Variants in AGBL1 observed in about 807,000 individuals in gnomAD.
The protein encoded by AGBL1 is cytosolic carboxypeptidase 4.
Under a neutral mutation model 118.9 loss-of-function variants are expected in AGBL1, and 130 were observed. The ratio of observed to expected loss-of-function variants is 1.09; its 90% CI spans 0.95 to 1.26. The LOEUF is 1.26. AGBL1 is among the 50% of genes most tolerant of loss of function. The pLI is 0.00. For synonymous variants in AGBL1, 555 were observed against 478.9 expected (o/e 1.16, Z -2.08); for missense variants, 1,584 against 1,298.1 (o/e 1.22, Z -3.38).
intron 24 of AGBL1, among the ~76,000 whole-genome samples, chr15:87,023,290 A>G (rs868304770): frequency 6.6e-6 from 1 of 152,106 alleles, no homozygotes; most frequent in African/African-American, 2.4e-5. Context: ...GAAAAAAGAG[A>G]CATCATGCAA....
At chr15:86,897,783 T>G (rs1399949729) in intron 22 of AGBL1, among the ~76,000 whole-genome samples, 4 of 146,548 alleles carry the variant, frequency 2.7e-5, no homozygotes, top group South Asian at 4.4e-4. Flanking sequence ...TTTTTTTTTT[T>G]TTTTGAGACA....
intron 21 of AGBL1, among the ~76,000 whole-genome samples, chr15:86,660,633 A>T (rs1007441218): frequency 2.6e-5 from 4 of 152,006 alleles, no homozygotes; most frequent in Non-Finnish European, 5.9e-5. Flanking sequence ...TTACTTATAG[A>T]CTCAGTATGA....
chr15:86,532,578 A>G (rs1202389043), intron 19 of AGBL1, among the ~76,000 whole-genome samples: 3 of 141,036 alleles, frequency 2.1e-5, no homozygotes, highest in Non-Finnish European at 3.1e-5. Context: ...TCAAGCTACC[A>G]ATGACTTTCT....
chr15:86,369,222 G>T (rs1266772143), intron 17 of AGBL1, among the ~76,000 whole-genome samples: 5 of 152,114 alleles, frequency 3.3e-5, no homozygotes, highest in Non-Finnish European at 5.9e-5. Flanking sequence ...GAAAGGACTG[G>T]CTACAAAAAC....
At chr15:86,136,622 A>G (rs768389502) in intron 1 of AGBL1, among the ~76,000 whole-genome samples, 21 of 152,228 alleles carry the variant, frequency 1.4e-4, no homozygotes. Context: ...GCATGAGCCC[A>G]GACTTGAGAG....
At chr15:86,847,253 A>G (rs2079332957) in intron 22 of AGBL1, among the ~76,000 whole-genome samples, 1 of 152,206 alleles carries the variant, frequency 6.6e-6, no homozygotes, top group Non-Finnish European at 1.5e-5. Context: ...CTATAGGCCC[A>G]CTCAAAGACA....
At chr15:86,433,764 A>G (rs113829987) in intron 18 of AGBL1, among the ~76,000 whole-genome samples, 7 of 152,298 alleles carry the variant, frequency 4.6e-5, no homozygotes, top group African/African-American at 1.7e-4. Flanking sequence ...TAATGTATCC[A>G]CTAATACAAT....
chr15:86,290,978 A>C (rs1417594681), intron 16 of AGBL1, among the ~76,000 whole-genome samples: 3 of 152,088 alleles, frequency 2.0e-5, no homozygotes, highest in Non-Finnish European at 2.9e-5. Flanking sequence ...ACTGAGAATG[A>C]TGATTTCCAA....
intron 21 of AGBL1, among the ~76,000 whole-genome samples, chr15:86,603,306 T>G (rs1436790474): frequency 6.6e-6 from 1 of 152,184 alleles, no homozygotes; most frequent in Non-Finnish European, 1.5e-5. Flanking sequence ...ATCTGATGCA[T>G]GTTTTAACAT....
chr15:86,712,700 G>A (rs1184996717), intron 22 of AGBL1, among the ~76,000 whole-genome samples: 2 of 152,120 alleles, frequency 1.3e-5, no homozygotes, highest in Admixed American at 6.6e-5. Flanking sequence ...CCTGGGATAC[G>A]GGCCTTTTGT....
At chr15:86,796,280 G>T (rs561078758) in intron 22 of AGBL1, among the ~76,000 whole-genome samples, 3 of 152,294 alleles carry the variant, frequency 2.0e-5, no homozygotes, top group African/African-American at 7.2e-5. Context: ...TGTCAGAAAA[G>T]TAAGCATTAT....
intron 17 of AGBL1, among the ~76,000 whole-genome samples, chr15:86,386,848 C>T (rs1596050559): frequency 6.6e-6 from 1 of 152,216 alleles, no homozygotes; most frequent in Middle Eastern, 3.4e-3. Context: ...ATTATAGTGC[C>T]TGTTGCATCA....
chr15:86,193,991 A>G (rs2077761624), intron 5 of AGBL1, among the ~76,000 whole-genome samples: 1 of 152,218 alleles, frequency 6.6e-6, no homozygotes, highest in Non-Finnish European at 1.5e-5. Context: ...GCCAGGCATG[A>G]GGCAGAATCT....
intron 23 of AGBL1, among the ~76,000 whole-genome samples, chr15:86,959,927 G>GT (rs2080974272): frequency 6.6e-6 from 1 of 151,992 alleles, no homozygotes; most frequent in Non-Finnish European, 1.5e-5. Flanking sequence ...CTGTTCATTT[G>GT]TCTTGTTCAG....
intron 19 of AGBL1, among the ~76,000 whole-genome samples, chr15:86,539,986 G>A (rs1266128574): frequency 6.6e-6 from 1 of 152,172 alleles, no homozygotes; most frequent in East Asian, 1.9e-4. Context: ...TTAAAACATT[G>A]TCTCTGGGTT....
chr15:86,234,623 C>T (rs1390286754), intron 6 of AGBL1, among the ~76,000 whole-genome samples: 5 of 150,844 alleles, frequency 3.3e-5, no homozygotes, highest in Admixed American at 3.3e-4. Flanking sequence ...ACTGTGCAGG[C>T]TCTGGAAAGA....
At chr15:86,275,847 G>C (rs942868084) in intron 15 of AGBL1, among the ~76,000 whole-genome samples, 8 of 152,176 alleles carry the variant, frequency 5.3e-5, no homozygotes, top group African/African-American at 1.9e-4. Context: ...AGGAGAGGAA[G>C]TTCTTTGACT....
At chr15:86,765,495 C>A (rs1298984894) in intron 22 of AGBL1, among the ~76,000 whole-genome samples, 4 of 151,892 alleles carry the variant, frequency 2.6e-5, no homozygotes, top group Non-Finnish European at 5.9e-5. Flanking sequence ...TCAGAAGACA[C>A]ATCGTGGAGA....
intron 22 of AGBL1, among the ~76,000 whole-genome samples, chr15:86,780,613 A>G (rs547432515): frequency 1.3e-5 from 2 of 151,158 alleles, no homozygotes; most frequent in East Asian, 1.9e-4. Context: ...TTTTTATTCT[A>G]TGGCTATAAA....
Sources: allele counts gnomAD v4.1 joint callset (sites outside exome capture counted in the v4.1 genomes callset), GRCh38; gene constraint gnomAD v4.1.1; transcripts MANE v1.5; gene names NCBI Gene and HGNC (gene_info 2026-07-23, HGNC 2026-07-21).